Variants in MRTFB observed in about 807,000 individuals in gnomAD.
MRTFB encodes myocardin-related transcription factor B.
A neutral mutation model predicts 104.2 loss-of-function variants in MRTFB; 29 were observed. The observed-to-expected ratio is 0.28, with a 90% confidence interval of 0.21 to 0.38. The LOEUF (loss-of-function observed/expected upper bound fraction) is 0.38. Ranked by LOEUF, MRTFB falls within the 10% of genes least tolerant of loss-of-function variation. The probability of loss-of-function intolerance (pLI) is 1.00; values close to 1 mark genes in which losing one functional copy is unlikely to be tolerated. For synonymous variants in MRTFB, 535 were observed against 519.5 expected, an observed-to-expected ratio of 1.03 and a Z score of -0.41; for missense variants, 1,270 against 1,341.6, an observed-to-expected ratio of 0.95 and a Z score of 0.83.
At chr16:14,225,656 GCATTCATTCATTCATTCATT>G (rs74275913) in intron 8 of MRTFB, among the ~76,000 whole-genome samples, 2 of 151,170 alleles carry the variant, frequency 1.3e-5, no homozygotes, top group East Asian at 1.9e-4. Context: ...CATCCAGAAA[GCATTCATTCATTCATTCATT>G]CATTCATTCA....
At chr16:14,017,747 C>G in the MRTFB span, among the ~76,000 whole-genome samples, 2 of 100,348 alleles carry the variant, frequency 2.0e-5, no homozygotes, top group Non-Finnish European at 4.1e-5. Flanking sequence ...GACAGGGTCT[C>G]TCTCTTTCTC....
the MRTFB span, chr16:14,009,924 C>A: frequency 6.6e-6 from 1 of 152,220 alleles, no homozygotes; most frequent in Non-Finnish European, 1.5e-5. Context: ...CCCCTTCCAC[C>A]CCTGCCCCAG....
chr16:14,118,098 C>G (rs1276648555), intron 2 of MRTFB, among the ~76,000 whole-genome samples: 1 of 150,778 alleles, frequency 6.6e-6, no homozygotes, highest in South Asian at 2.1e-4. Context: ...CTGTGTGCCT[C>G]TCCCAGATGC....
At chr16:14,246,441 T>C (rs2043020371) in intron 11 of MRTFB, 32 bp from the exon 12 acceptor site, 2 of 1,604,410 alleles carry the variant, frequency 1.2e-6, no homozygotes, top group African/African-American at 1.3e-5. Context: ...AAAGCTCTAA[T>C]ACTAAGATAT....
At chr16:14,193,168 G>C (rs2040265195) in intron 3 of MRTFB, among the ~76,000 whole-genome samples, 1 of 118,362 alleles carries the variant, frequency 8.4e-6, no homozygotes, top group Admixed American at 1.2e-4. Flanking sequence ...TCATTGTATT[G>C]CGTCACTGCA....
At chr16:14,113,078 T>C (rs2036358832) in intron 2 of MRTFB, among the ~76,000 whole-genome samples, 1 of 152,260 alleles carries the variant, frequency 6.6e-6, no homozygotes, top group South Asian at 2.1e-4. Flanking sequence ...AGTTTCACTC[T>C]TGTTGCCTAG....
At chr16:14,054,143 G>A in the MRTFB span, among the ~76,000 whole-genome samples, 1 of 152,064 alleles carries the variant, frequency 6.6e-6, no homozygotes, top group Non-Finnish European at 1.5e-5. Context: ...TGCGCGTGCT[G>A]TTCCCTCTGC....
chr16:14,000,767 A>G, the MRTFB span, among the ~76,000 whole-genome samples: 1 of 152,064 alleles, frequency 6.6e-6, no homozygotes, highest in African/African-American at 2.4e-5. Context: ...CCTTCCCATC[A>G]CACAGTGTCT....
intron 3 of MRTFB, among the ~76,000 whole-genome samples, chr16:14,187,207 C>T (rs1210597286): frequency 6.6e-6 from 1 of 152,170 alleles, no homozygotes; most frequent in African/African-American, 2.4e-5. Flanking sequence ...GTAGCTGTTA[C>T]TAAAGATTCA....
At chr16:14,092,120 G>C (rs1291603636) in intron 2 of MRTFB, among the ~76,000 whole-genome samples, 1 of 151,608 alleles carries the variant, frequency 6.6e-6, no homozygotes, top group Admixed American at 6.6e-5. Context: ...AATGAGCAAA[G>C]TTTAGATCAG....
At chr16:14,118,007 C>A (rs74908178) in intron 2 of MRTFB, among the ~76,000 whole-genome samples, 9,057 of 151,946 alleles carry the variant, frequency 0.06, 839 homozygotes, top group African/African-American at 0.2. Context: ...CAAATCTTAA[C>A]ATTTTGCTAG....
the MRTFB span, among the ~76,000 whole-genome samples, chr16:14,033,814 C>T: frequency 4.9e-3 from 625 of 128,048 alleles, 3 homozygotes; most frequent in African/African-American, 0.017. Flanking sequence ...CCAGCCTGGG[C>T]GACAGAGTGA....
chr16:14,063,388 A>G, the MRTFB span, among the ~76,000 whole-genome samples: 3 of 152,208 alleles, frequency 2.0e-5, no homozygotes, highest in Non-Finnish European at 2.9e-5. Context: ...TCAGGGGCAC[A>G]TGTGCAGATT....
rs543139279 is a variant in MRTFB at position 14,124,380 on chromosome 16, G to A, written c.-63-16164G>A. Among the ~76,000 whole-genome samples, 6 of 152,186 alleles carry A rather than the reference G, an allele frequency of 3.9e-5. No individual in the cohort carries two copies. The East Asian group carries it at 9.6e-4, about 24-fold the overall frequency. On this transcript the variant is annotated intron_variant, in intron 2 of 16. Transcript: ENST00000571589. ...GAATGCTTCCAGTTTTTGCCCATTCGGTATGATATTGGCTATGGATTTGTC... is the reference window on the plus strand; with the variant it reads ...GAATGCTTCCAGTTTTTGCCCATTCAGTATGATATTGGCTATGGATTTGTC...
chr16:14,146,149 G>A lies in MRTFB; in HGVS notation c.154+5389G>A, dbSNP rs562811528. 5.3e-5 allele frequency among the ~76,000 whole-genome samples: 8 copies of A among 152,320 alleles called. No individual in the cohort carries two copies. The South Asian group carries it at 1.7e-3, about 32-fold the overall frequency. Reference sequence around the variant, plus strand: ...TTTAATACTTTATGGTATGTCTTGAGTCCAGGTACTTTTAAGGTGAGGAGC... The same window carrying A: ...TTTAATACTTTATGGTATGTCTTGAATCCAGGTACTTTTAAGGTGAGGAGC... On this transcript the variant is annotated intron_variant, in intron 3 of 16. Transcript: ENST00000571589.
chr16:14,248,217 A>C (rs964494024), intron 12 of MRTFB: 3 of 152,324 alleles, frequency 2.0e-5, no homozygotes, highest in Non-Finnish European at 2.9e-5. Flanking sequence ...GTAAGTTTTC[A>C]CCAAACATGG....
At chr16:14,047,062 T>A in the MRTFB span, among the ~76,000 whole-genome samples, 1 of 152,172 alleles carries the variant, frequency 6.6e-6, no homozygotes, top group African/African-American at 2.4e-5. Flanking sequence ...AAGACAGACG[T>A]GAATTCCTGC....
chr16:14,045,794 G>C, the MRTFB span, among the ~76,000 whole-genome samples: 5 of 152,192 alleles, frequency 3.3e-5, no homozygotes, highest in Non-Finnish European at 7.3e-5. Context: ...GCATACGTTT[G>C]GATGCTAATA....
intron 3 of MRTFB, among the ~76,000 whole-genome samples, chr16:14,182,315 A>C (rs949519248): frequency 2.0e-5 from 3 of 152,132 alleles, no homozygotes; most frequent in Non-Finnish European, 4.4e-5. Flanking sequence ...GGCAGTGGTG[A>C]TGTATACAGG....
Sources: allele counts gnomAD v4.1 joint callset (sites outside exome capture counted in the v4.1 genomes callset), GRCh38; gene constraint gnomAD v4.1.1; transcripts MANE v1.5; gene names NCBI Gene and HGNC (gene_info 2026-07-23, HGNC 2026-07-21).